GLCE: variants seen among roughly 807,000 people sequenced by gnomAD.
The protein encoded by GLCE is glucuronic acid epimerase.
Under a neutral mutation model 47.9 loss-of-function variants are expected in GLCE, and 19 were observed. That is an observed-to-expected ratio of 0.40 (90% CI 0.28 to 0.58). The LOEUF (loss-of-function observed/expected upper bound fraction) is 0.58. Ranked by LOEUF, GLCE falls within the 20% of genes least tolerant of loss-of-function variation. The pLI is 0.48. For synonymous variants in GLCE, 245 were observed against 263.4 expected (o/e 0.93, Z 0.68); for missense variants, 556 against 743.3 (o/e 0.75, Z 2.93).
In GLCE at chr15:69,268,502, A is replaced by G; in HGVS notation, c.1112A>G (p.Lys371Arg). 1 of 1,614,222 alleles carries G rather than the reference A, an allele frequency of 6.2e-7. No individual in the cohort carries two copies. The highest frequency in any genetic ancestry group is 8.5e-7 in the Non-Finnish European group (1 of 1,180,044). The stretch of plus-strand genomic sequence containing the variant: ...GGTCTTTCAAACACAAAAGCTGTCA[A>G]GCCAACCAAAATAATGCCCAAGAAG... ...GVGLSNTKAV[K>R]PTKIMPKKVV... The change falls in exon 5 of 5, where the codon AAG becomes AGG. Residue 371 changes from lysine to arginine, a missense_variant. Coordinates refer to ENST00000261858, the MANE Select transcript of GLCE (RefSeq NM_015554.3).
intron 1 of GLCE, among the ~76,000 whole-genome samples, chr15:69,176,132 G>T (rs1273887156): frequency 1.3e-5 from 2 of 151,096 alleles, no homozygotes; most frequent in African/African-American, 4.9e-5. Context: ...TATTTGGCAT[G>T]GGATGTGATT....
chr15:69,180,972 T>C (rs1351021286), intron 1 of GLCE, among the ~76,000 whole-genome samples: 3 of 152,146 alleles, frequency 2.0e-5, no homozygotes, highest in African/African-American at 7.2e-5. Context: ...AGGTGATGGC[T>C]TGGACCAAAA....
chr15:69,194,738 A>G (rs938317154), intron 1 of GLCE, among the ~76,000 whole-genome samples: 12 of 152,124 alleles, frequency 7.9e-5, no homozygotes, highest in African/African-American at 2.4e-4. Flanking sequence ...GAAAGTAACC[A>G]TTAATCTCAT....
At chr15:69,170,805 T>G (rs76418690) in intron 1 of GLCE, among the ~76,000 whole-genome samples, 1,757 of 152,328 alleles carry the variant, frequency 0.012, 27 homozygotes, top group African/African-American at 0.038. Flanking sequence ...CGCTCCTTAT[T>G]ATTGAATCAG....
chr15:69,171,690 C>G (rs899437691), intron 1 of GLCE, among the ~76,000 whole-genome samples: 5 of 152,094 alleles, frequency 3.3e-5, no homozygotes, highest in African/African-American at 1.2e-4. Context: ...GCCACCGCGC[C>G]CTGCTCTGGG....
intron 2 of GLCE, among the ~76,000 whole-genome samples, chr15:69,246,217 A>G (rs531076047): frequency 6.6e-6 from 1 of 152,136 alleles, no homozygotes; most frequent in African/African-American, 2.4e-5. Context: ...GAACCCCTCA[A>G]AGTCATCCAT....
chr15:69,255,968 AAG>A lies in GLCE; in HGVS notation c.165_166del (p.Arg55SerfsTer5). 6.2e-7 allele frequency: 1 copy of A among 1,614,050 alleles called. No individual in the cohort carries two copies. Among genetic ancestry groups the A allele is most frequent in the African/African-American group, 1.3e-5 (1 of 75,006 alleles). On this transcript the variant is annotated frameshift_variant, in exon 3 of 5. Coordinates refer to ENST00000261858, the MANE Select transcript of GLCE (RefSeq NM_015554.3). LOFTEE classifies it high-confidence loss of function. ...SGFRVDGFEK[R>X]AAASESNNYM... ...GCTTCAGAGTGGATGGGTTTGAAAA[AAG>A]AGCAGCAGCATCTGAGAGTAACAAC...
intron 1 of GLCE, among the ~76,000 whole-genome samples, chr15:69,188,946 T>C (rs985650175): frequency 5.3e-5 from 8 of 152,200 alleles, no homozygotes; most frequent in Non-Finnish European, 1.2e-4. Context: ...TACAGAGTTC[T>C]TATATCCCCC....
At chr15:69,227,918 A>G (rs960699606) in intron 2 of GLCE, among the ~76,000 whole-genome samples, 4 of 152,250 alleles carry the variant, frequency 2.6e-5, no homozygotes, top group Non-Finnish European at 2.9e-5. Flanking sequence ...AGAAGTAAAT[A>G]TAGGTAAGTT....
At chr15:69,197,091 GA>G in intron 1 of GLCE, 1 of 327,780 alleles carries the variant, frequency 3.1e-6, no homozygotes, top group Non-Finnish European at 6.0e-6. Flanking sequence ...GAGATGCATG[GA>G]AAGCTGCAAC....
At chr15:69,221,025 T>G (rs1000190219) in intron 2 of GLCE, among the ~76,000 whole-genome samples, 7 of 152,232 alleles carry the variant, frequency 4.6e-5, no homozygotes, top group African/African-American at 1.7e-4. Context: ...TGTGCTTTTA[T>G]TCCCCTTTGG....
At chr15:69,188,266 A>G (rs1382300299) in intron 1 of GLCE, among the ~76,000 whole-genome samples, 1 of 152,080 alleles carries the variant, frequency 6.6e-6, no homozygotes, top group South Asian at 2.1e-4. Flanking sequence ...AAACAAAAAA[A>G]CACAACTTGG....
Position 69,268,835 on chromosome 15 carries a change from A to C in GLCE, c.1445A>C (p.Glu482Ala). ...RATAPYKFLS[E>A]QHGVKAVFMN... The stretch of plus-strand genomic sequence containing the variant: ...ACAGCCCCTTATAAGTTTCTATCTG[A>C]GCAGCATGGAGTTAAAGCTGTGTTT... The change falls in exon 5 of 5, where the codon GAG becomes GCG. Residue 482 changes from glutamate (E) to alanine (A), a missense_variant. By Grantham distance (107) the Glu-to-Ala change is moderately radical. Transcript: ENST00000261858. The C allele has an allele frequency of 6.2e-7, 1 of 1,614,224 alleles. No individual in the cohort carries two copies. Among genetic ancestry groups the C allele is most frequent in the Non-Finnish European group, 8.5e-7 (1 of 1,180,018 alleles).
At chr15:69,216,027 A>G (rs1342749441) in intron 2 of GLCE, among the ~76,000 whole-genome samples, 2 of 152,138 alleles carry the variant, frequency 1.3e-5, no homozygotes, top group African/African-American at 4.8e-5. Context: ...ATTTTCATAT[A>G]TGAGTTTTGG....
chr15:69,250,802 A>T (rs2052831864), intron 2 of GLCE, among the ~76,000 whole-genome samples: 1 of 121,108 alleles, frequency 8.3e-6, no homozygotes, highest in African/African-American at 3.6e-5. Context: ...CATTTTTTAT[A>T]GTTAAAAAAA....
chr15:69,196,350 A>G (rs2051991091), intron 1 of GLCE: 1 of 152,696 alleles, frequency 6.5e-6, no homozygotes, highest in African/African-American at 2.4e-5. Flanking sequence ...CATAATTTTA[A>G]TGTGCATTTC....
At chr15:69,162,508 T>C (rs988018489) in intron 1 of GLCE, among the ~76,000 whole-genome samples, 1 of 152,136 alleles carries the variant, frequency 6.6e-6, no homozygotes, top group Non-Finnish European at 1.5e-5. Flanking sequence ...GCAAATAATT[T>C]TGCCTGCCTT....
At chr15:69,236,812 C>G (rs1032597520) in intron 2 of GLCE, among the ~76,000 whole-genome samples, 18 of 152,068 alleles carry the variant, frequency 1.2e-4, no homozygotes, top group Admixed American at 1.1e-3. Context: ...GTGATTGAGT[C>G]AACAGTTGAC....
At position 69,268,841 on chromosome 15, in the gene GLCE, A is replaced by G. The variant is rs370173373; in HGVS notation, c.1451A>G (p.His484Arg). The G allele has an allele frequency of 1.3e-5, 21 of 1,614,102 alleles. No homozygotes were observed. Among genetic ancestry groups the G allele is most frequent in the Non-Finnish European group, 1.7e-5 (20 of 1,180,028 alleles). The change falls in exon 5 of 5, where the codon CAT becomes CGT. Residue 484 changes from histidine to arginine, a missense_variant. By Grantham distance (29) the His-to-Arg change is conservative. This residue lies in a region of GLCE where 245 missense variants were observed against 368.1 expected (regional missense o/e 0.67). Transcript: ENST00000261858. ...TAPYKFLSEQ[H>R]GVKAVFMNKH... ...CCTTATAAGTTTCTATCTGAGCAGCATGGAGTTAAAGCTGTGTTTATGAAT... is the reference window on the plus strand; with the variant it reads ...CCTTATAAGTTTCTATCTGAGCAGCGTGGAGTTAAAGCTGTGTTTATGAAT...
Sources: gnomAD v4.1 joint callset for allele counts (sites outside exome capture counted in the v4.1 genomes callset) on GRCh38, gnomAD v4.1.1 for gene constraint, gnomAD v4.1.1 regional missense constraint, MANE v1.5 for transcripts, NCBI Gene and HGNC (gene_info 2026-07-23, HGNC 2026-07-21) for gene names.